LAMA2: variants seen among roughly 807,000 people sequenced by gnomAD.
LAMA2 encodes laminin subunit alpha 2, also known as laminin subunit alpha-2.
LAMA2 carries 269 observed loss-of-function variants against 364.8 expected under a neutral mutation model. The observed-to-expected ratio is 0.74, with a 90% confidence interval of 0.67 to 0.82. LAMA2 has a LOEUF of 0.82. Among genes scored for constraint, LAMA2 ranks in the 40% least tolerant of loss-of-function variants. The pLI is 0.00. For synonymous variants in LAMA2, 1,379 were observed against 1,370.6 expected, an observed-to-expected ratio of 1.01 and a Z score of -0.14; for missense variants, 3,807 against 3,873.2, an observed-to-expected ratio of 0.98 and a Z score of 0.45.
intron 4 of LAMA2, among the ~76,000 whole-genome samples, chr6:129,108,117 CTT>C (rs552084771): frequency 3.2e-3 from 491 of 151,942 alleles, no homozygotes; most frequent in Non-Finnish European, 4.5e-3. Context: ...TTCTTAACCT[CTT>C]TATCTTGCTC....
intron 1 of LAMA2, among the ~76,000 whole-genome samples, chr6:128,995,651 TTC>T (rs1783888888): frequency 6.6e-6 from 1 of 152,074 alleles, no homozygotes; most frequent in Non-Finnish European, 1.5e-5. Context: ...CCCTTTCTCC[TTC>T]TCTCTCTCCC....
chr6:129,361,380 C>T (rs919652718), intron 32 of LAMA2, among the ~76,000 whole-genome samples: 2 of 152,208 alleles, frequency 1.3e-5, no homozygotes, highest in African/African-American at 4.8e-5. Flanking sequence ...AAAAGTGTGT[C>T]AGTTATCGAT....
At chr6:128,911,459 G>A (rs866487242) in intron 1 of LAMA2, among the ~76,000 whole-genome samples, 11 of 152,122 alleles carry the variant, frequency 7.2e-5, no homozygotes, top group South Asian at 2.1e-4. Flanking sequence ...GACCCCTTGC[G>A]CTTCCCGAGT....
intron 4 of LAMA2, among the ~76,000 whole-genome samples, chr6:129,128,903 T>A (rs1777280871): frequency 6.6e-6 from 1 of 152,212 alleles, no homozygotes; most frequent in Admixed American, 6.5e-5. Flanking sequence ...ATACAAAGAT[T>A]TGATTTTATA....
intron 2 of LAMA2, 28 bp from the exon 3 acceptor site, chr6:129,059,756 C>G (rs777815750): frequency 7.4e-7 from 1 of 1,356,280 alleles, no homozygotes; most frequent in Non-Finnish European, 1.1e-6. Context: ...TTTCTTCTTC[C>G]TTTCATATGA....
At chr6:129,300,912 A>G (rs1186536601) in intron 22 of LAMA2, 40 bp downstream of exon 22, 6 of 1,607,908 alleles carry the variant, frequency 3.7e-6, no homozygotes, top group Non-Finnish European at 5.1e-6. Flanking sequence ...TTTTTTGGAG[A>G]GATTTTTGTT....
chr6:129,204,134 G>C (rs1029659547), intron 12 of LAMA2, among the ~76,000 whole-genome samples: 1 of 152,188 alleles, frequency 6.6e-6, no homozygotes, highest in African/African-American at 2.4e-5. Context: ...CAAGTACGTA[G>C]ATTATATGCC....
intron 12 of LAMA2, among the ~76,000 whole-genome samples, chr6:129,213,669 T>C (rs1783243814): frequency 6.6e-6 from 1 of 152,222 alleles, no homozygotes; most frequent in Admixed American, 6.5e-5. Flanking sequence ...CATCTGTATA[T>C]AAGCTTTGCT....
rs1025207862 is a variant in LAMA2 at position 129,315,494 on chromosome 6, C to A, written c.3574C>A (p.Gln1192Lys). 6.2e-7 allele frequency: 1 copy of A among 1,614,160 alleles called. No homozygotes were observed. The highest frequency in any genetic ancestry group is 8.5e-7 in the Non-Finnish European group (1 of 1,179,988). ...IRTWVTLKAE[Q>K]TILPLVDEAL... Reference sequence around the variant, plus strand: ...CTTGCAGGTGACTCTGAAGGCTGAGCAGACCATTCTACCCCTGGTAGATGA... The same window carrying A: ...CTTGCAGGTGACTCTGAAGGCTGAGAAGACCATTCTACCCCTGGTAGATGA... Residue 1192 changes from glutamine (Q) to lysine (K), a missense_variant, in exon 25 of 65, where the codon CAG (glutamine) becomes AAG (lysine). Physicochemically the swap from Gln to Lys is moderately conservative, Grantham distance 53. This residue lies in a region of LAMA2 where 3,333 missense variants were observed against 3,345.7 expected (regional missense o/e 1.00). Transcript: ENST00000421865.
At chr6:128,906,616 C>G (rs905764694) in intron 1 of LAMA2, among the ~76,000 whole-genome samples, 13 of 151,886 alleles carry the variant, frequency 8.6e-5, no homozygotes, top group Non-Finnish European at 1.8e-4. Flanking sequence ...GTTTCTTTTG[C>G]TGCACAGAAG....
chr6:128,914,130 A>C (rs758377511), intron 1 of LAMA2, among the ~76,000 whole-genome samples: 13 of 152,186 alleles, frequency 8.5e-5, no homozygotes, highest in Non-Finnish European at 1.6e-4. Flanking sequence ...AATTTTGAAA[A>C]TCTAGAAAGA....
chr6:129,078,900 C>T (rs534607959), intron 3 of LAMA2, among the ~76,000 whole-genome samples: 13 of 152,272 alleles, frequency 8.5e-5, no homozygotes, highest in Admixed American at 5.9e-4. Context: ...AGTATTTGTC[C>T]TTTTGTAACT....
rs186777477 is a variant in LAMA2 at position 129,476,077 on chromosome 6, T to A, written c.7451+676T>A. ...GGAGCATTTTAATTCTTACTAGCAT[T>A]AGCATAAAAGCTGTGAGCAATGGGC... On this transcript the variant is annotated intron_variant, in intron 53 of 64. Transcript: ENST00000421865. Among the ~76,000 whole-genome samples, 413 of 152,312 alleles carry A rather than the reference T, an allele frequency of 2.7e-3. 5 individuals carry two copies. The highest frequency in any genetic ancestry group is 7.4e-4 in the Non-Finnish European group (50 of 68,020).
intron 1 of LAMA2, among the ~76,000 whole-genome samples, chr6:128,895,069 C>T (rs1377946863): frequency 6.6e-6 from 1 of 152,098 alleles, no homozygotes; most frequent in African/African-American, 2.4e-5. Flanking sequence ...GTAAATTTTG[C>T]AATCAGAAAA....
At chr6:129,242,375 T>G (rs1364068284) in intron 12 of LAMA2, among the ~76,000 whole-genome samples, 1 of 152,194 alleles carries the variant, frequency 6.6e-6, no homozygotes, top group Non-Finnish European at 1.5e-5. Context: ...TATTCATTTG[T>G]TATCTATTTG....
intron 22 of LAMA2, among the ~76,000 whole-genome samples, chr6:129,310,408 A>T (rs1774145320): frequency 6.6e-6 from 1 of 152,216 alleles, no homozygotes; most frequent in South Asian, 2.1e-4. Context: ...AGATGCAGCC[A>T]GACTTGGATC....
chr6:129,454,131 T>C (rs756586424), intron 46 of LAMA2, 24 bp from the exon 47 acceptor site: 1 of 1,607,786 alleles, frequency 6.2e-7, no homozygotes, highest in Non-Finnish European at 8.5e-7. Flanking sequence ...TGATATCTCT[T>C]GTTTTTGTAT....
intron 12 of LAMA2, among the ~76,000 whole-genome samples, chr6:129,200,952 A>G (rs1782247877): frequency 6.6e-6 from 1 of 152,212 alleles, no homozygotes. Flanking sequence ...ATAAATTTTC[A>G]AAAATTATGC....
At chr6:128,934,804 C>T (rs745311455) in intron 1 of LAMA2, among the ~76,000 whole-genome samples, 5 of 152,130 alleles carry the variant, frequency 3.3e-5, no homozygotes, top group Admixed American at 1.3e-4. Flanking sequence ...CCACTACACC[C>T]GGCCATTTTT....
Sources: gnomAD v4.1 joint callset for allele counts (sites outside exome capture counted in the v4.1 genomes callset) on GRCh38, gnomAD v4.1.1 for gene constraint, gnomAD v4.1.1 regional missense constraint, MANE v1.5 for transcripts, NCBI Gene and HGNC (gene_info 2026-07-23, HGNC 2026-07-21) for gene names.